The following TMEM273 variants were observed in gnomAD, a reference collection of about 807,000 sequenced individuals.
The protein encoded by TMEM273 is chromosome 10 open reading frame 128.
Under a neutral mutation model 17.9 loss-of-function variants are expected in TMEM273, and 19 were observed. The ratio of observed to expected loss-of-function variants is 1.06; its 90% CI spans 0.74 to 1.55. The LOEUF is 1.55. Ranked by LOEUF, TMEM273 falls within the 40% of genes most tolerant of loss-of-function variation. The pLI is 0.00. For missense variants in TMEM273, 194 were observed against 155.6 expected, an observed-to-expected ratio of 1.25 and a Z score of -1.31; for synonymous variants, 66 against 62.0, an observed-to-expected ratio of 1.07 and a Z score of -0.31.
intron 1 of TMEM273, among the ~76,000 whole-genome samples, chr10:49,172,009 A>ATAAG: frequency 6.6e-6 from 1 of 152,330 alleles, no homozygotes; most frequent in East Asian, 1.9e-4. Context: ...ATGTCGTTCT[A>ATAAG]TAAGTATTTG....
intron 1 of TMEM273, among the ~76,000 whole-genome samples, chr10:49,168,359 C>T (rs774342408): frequency 9.2e-5 from 14 of 152,174 alleles, no homozygotes; most frequent in Non-Finnish European, 1.3e-4. Context: ...CCATCTTCTT[C>T]CCTTCCTCCT....
Position 49,172,395 on chromosome 10 carries a change from C to A in TMEM273, c.44-4433G>T, listed in dbSNP as rs113489741. Reference sequence around the variant, plus strand: ...CTTCCCCAAGCCTCAGTCTCACAAGCTGGAGGAAGTGGGAACAGGGTGCAG... The same window carrying A: ...CTTCCCCAAGCCTCAGTCTCACAAGATGGAGGAAGTGGGAACAGGGTGCAG... On this transcript the variant is annotated intron_variant, in intron 1 of 6. Transcript: ENST00000374153. Among the ~76,000 whole-genome samples the A allele has an allele frequency of 9.7e-4, 147 of 152,294 alleles. 1 individual carries two copies. Among genetic ancestry groups the A allele is most frequent in the African/African-American group, 3.5e-3 (146 of 41,568 alleles).
chr10:49,169,630 C>A (rs1055326796), intron 1 of TMEM273, among the ~76,000 whole-genome samples: 6 of 152,254 alleles, frequency 3.9e-5, no homozygotes, highest in African/African-American at 1.2e-4. Context: ...TTTGCTCACA[C>A]ACACAGACAC....
chr10:49,177,401 T>C (rs913691132), intron 1 of TMEM273, among the ~76,000 whole-genome samples: 2 of 152,214 alleles, frequency 1.3e-5, no homozygotes, highest in African/African-American at 2.4e-5. Flanking sequence ...CCTCCCTCTC[T>C]GTTTGCCTGA....
At chr10:49,173,144 C>T (rs1409790043) in intron 1 of TMEM273, among the ~76,000 whole-genome samples, 1 of 152,196 alleles carries the variant, frequency 6.6e-6, no homozygotes, top group Non-Finnish European at 1.5e-5. Flanking sequence ...GAAGGTTGAG[C>T]CCAGACCAAG....
intron 1 of TMEM273, among the ~76,000 whole-genome samples, chr10:49,185,901 C>T (rs1355059941): frequency 6.6e-6 from 1 of 151,592 alleles, no homozygotes; most frequent in Non-Finnish European, 1.5e-5. Context: ...TTGCTTGAAC[C>T]CAGGAGGTGG....
At chr10:49,164,988 C>A (rs575438711) in intron 5 of TMEM273, among the ~76,000 whole-genome samples, 67 of 152,256 alleles carry the variant, frequency 4.4e-4, no homozygotes, top group Middle Eastern at 3.4e-3. Flanking sequence ...AACACATATG[C>A]AAGTATCCAC....
chr10:49,172,029 T>C (rs998017227), intron 1 of TMEM273, among the ~76,000 whole-genome samples: 1 of 152,176 alleles, frequency 6.6e-6, no homozygotes, highest in Non-Finnish European at 1.5e-5. Flanking sequence ...GAACTAAAAA[T>C]AGGGAGAGGC....
At chr10:49,165,677 A>G (rs1420836005) in intron 4 of TMEM273, 89 bp downstream of exon 4, 1 of 1,556,124 alleles carries the variant, frequency 6.4e-7, no homozygotes, top group African/African-American at 1.4e-5. Flanking sequence ...GAGTGCAGAG[A>G]AGGCTGGGGA....
At chr10:49,167,158 C>T (rs780785056) in intron 2 of TMEM273, 149 bp from the exon 3 acceptor site, 12 of 1,118,696 alleles carry the variant, frequency 1.1e-5, no homozygotes, top group South Asian at 1.6e-5. Context: ...CCCATGAGTC[C>T]CTTTGCTCCT....
intron 6 of TMEM273, among the ~76,000 whole-genome samples, chr10:49,158,288 C>T (rs1031584034): frequency 3.9e-5 from 6 of 151,952 alleles, no homozygotes; most frequent in Middle Eastern, 3.4e-3. Flanking sequence ...AATTTAAATA[C>T]CAGGATGTTT....
chr10:49,158,113 C>T (rs969385237), intron 6 of TMEM273, among the ~76,000 whole-genome samples: 2 of 152,224 alleles, frequency 1.3e-5, no homozygotes, highest in East Asian at 3.9e-4. Flanking sequence ...ATATGACAAT[C>T]TTATAAGAGT....
At chr10:49,178,151 G>A in intron 1 of TMEM273, 1 of 457,196 alleles carries the variant, frequency 2.2e-6, no homozygotes, top group South Asian at 1.5e-5. Context: ...TCCTCCCAGG[G>A]CTCATCAAGC....
At chr10:49,182,034 T>C (rs776426805) in intron 1 of TMEM273, among the ~76,000 whole-genome samples, 2 of 152,094 alleles carry the variant, frequency 1.3e-5, no homozygotes, top group Non-Finnish European at 2.9e-5. Flanking sequence ...TGGGCAGAAG[T>C]CATTAGGGGA....
At chr10:49,168,721 G>T (rs1193278634) in intron 1 of TMEM273, among the ~76,000 whole-genome samples, 1 of 147,840 alleles carries the variant, frequency 6.8e-6, no homozygotes, top group African/African-American at 2.5e-5. Flanking sequence ...AGGGAGGGAG[G>T]GTGGGAAGGA....
chr10:49,159,710 A>T (rs918980262), intron 6 of TMEM273, among the ~76,000 whole-genome samples: 1 of 77,774 alleles, frequency 1.3e-5, no homozygotes, highest in Non-Finnish European at 3.2e-5. Flanking sequence ...AGAGAGAGAG[A>T]GTGAGAGAGA....
chr10:49,177,932 G>A (rs1428807713), intron 1 of TMEM273, among the ~76,000 whole-genome samples: 1 of 152,198 alleles, frequency 6.6e-6, no homozygotes, highest in Non-Finnish European at 1.5e-5. Context: ...CCTCAGGGAA[G>A]TAGCTGTGAG....
chr10:49,186,190 A>T (rs924085554), intron 1 of TMEM273, among the ~76,000 whole-genome samples: 2 of 152,176 alleles, frequency 1.3e-5, no homozygotes, highest in Admixed American at 6.5e-5. Flanking sequence ...TGTAACTATC[A>T]CTTCATCACT....
intron 1 of TMEM273, among the ~76,000 whole-genome samples, chr10:49,171,361 G>A (rs577484473): frequency 6.6e-6 from 1 of 152,370 alleles, no homozygotes; most frequent in African/African-American, 2.4e-5. Context: ...GCAGAGAGCA[G>A]AGGGCAGAGG....
Sources: gnomAD v4.1 joint callset for allele counts (sites outside exome capture counted in the v4.1 genomes callset) on GRCh38, gnomAD v4.1.1 for gene constraint, MANE v1.5 for transcripts, NCBI Gene and HGNC (gene_info 2026-07-23, HGNC 2026-07-21) for gene names.